The following BBX variants were observed in gnomAD, a reference collection of about 807,000 sequenced individuals.
BBX encodes BBX high mobility group box domain containing, also known as HMG box transcription factor BBX.
Under a neutral mutation model 100.2 loss-of-function variants are expected in BBX, and 30 were observed. That is an observed-to-expected ratio of 0.30 (90% confidence interval 0.22 to 0.41). BBX has a LOEUF of 0.41. Among genes scored for constraint, BBX ranks in the 10% least tolerant of loss-of-function variants. BBX has a pLI of 1.00. For missense variants in BBX, 1,023 were observed against 1,129.8 expected (o/e 0.91, Z 1.35); for synonymous variants, 376 against 388.1 (o/e 0.97, Z 0.37).
chr3:107,715,309 G>C (rs569645371), intron 4 of BBX, among the ~76,000 whole-genome samples: 1 of 152,264 alleles, frequency 6.6e-6, no homozygotes, highest in African/African-American at 2.4e-5. Flanking sequence ...CTCTGGGAAT[G>C]GGATTTAGAA....
intron 3 of BBX, among the ~76,000 whole-genome samples, chr3:107,706,195 T>A (rs541563916): frequency 5.3e-5 from 8 of 152,078 alleles, no homozygotes; most frequent in African/African-American, 1.9e-4. Context: ...AGTTAATTTT[T>A]GTATTGTTAG....
At chr3:107,734,407 T>C (rs951344087) in intron 7 of BBX, among the ~76,000 whole-genome samples, 1 of 152,224 alleles carries the variant, frequency 6.6e-6, no homozygotes, top group Non-Finnish European at 1.5e-5. Context: ...ATCATGTTTG[T>C]AGTTTCTAAC....
chr3:107,757,959 A>G (rs1411378229), intron 10 of BBX, among the ~76,000 whole-genome samples: 2 of 152,158 alleles, frequency 1.3e-5, no homozygotes. Context: ...ATTTCTAAAG[A>G]GATAGCCTAA....
At position 107,665,548 on chromosome 3, in the gene BBX, C is replaced by T. The variant is rs114114148; in HGVS notation, c.-10+19639C>T. ...CACAGCAACCTGCCAGTGATTGTCT[C>T]TCATAACCAAGCAAGTGGGGGCATA... On this transcript the variant is annotated intron_variant, in intron 3 of 17. Transcript: ENST00000325805. Among the ~76,000 whole-genome samples, 620 of 152,248 alleles carry T rather than the reference C, an allele frequency of 4.1e-3. 2 individuals are homozygous for T. The highest frequency in any genetic ancestry group is 0.014 in the Middle Eastern group (4 of 294).
At chr3:107,635,782 G>A (rs1021685855) in intron 2 of BBX, among the ~76,000 whole-genome samples, 3 of 149,616 alleles carry the variant, frequency 2.0e-5, no homozygotes, top group Non-Finnish European at 3.0e-5. Context: ...GCACCATCTC[G>A]GCTCACTGCA....
At chr3:107,575,769 CA>C (rs1290325230) in intron 2 of BBX, among the ~76,000 whole-genome samples, 1 of 152,018 alleles carries the variant, frequency 6.6e-6, no homozygotes, top group Non-Finnish European at 1.5e-5. Flanking sequence ...AGTAGTATCT[CA>C]AAAGTTTTAG....
chr3:107,573,776 G>A (rs957545325), intron 2 of BBX, among the ~76,000 whole-genome samples: 1 of 151,964 alleles, frequency 6.6e-6, no homozygotes, highest in Non-Finnish European at 1.5e-5. Flanking sequence ...GCCCAGGCTG[G>A]AGTGCAATGG....
In BBX at chr3:107,693,517, G is replaced by A. The variant is rs544015464; in HGVS notation, c.-9-16935G>A. Among the ~76,000 whole-genome samples the A allele has an allele frequency of 1.4e-3, 213 of 151,110 alleles. 1 individual carries two copies. The highest frequency in any genetic ancestry group is 2.6e-3 in the Non-Finnish European group (174 of 67,886). ...AAAGATCAGATAGTTGTAGATATGC[G>A]GCGTTATTTCTGAGGGCTCTGTTCT... On this transcript the variant is annotated intron_variant, in intron 3 of 17. Coordinates refer to ENST00000325805, the MANE Select transcript of BBX (RefSeq NM_001142568.3).
chr3:107,736,869 T>G (rs1435730826), intron 7 of BBX, among the ~76,000 whole-genome samples: 1 of 152,092 alleles, frequency 6.6e-6, no homozygotes, highest in Non-Finnish European at 1.5e-5. Flanking sequence ...GAATATAAGT[T>G]AGTCAGATTA....
chr3:107,773,753 T>G lies in BBX; in HGVS notation c.1915+117T>G. The stretch of plus-strand genomic sequence containing the variant: ...ATGGTATCAAAATAATACCTTACAT[T>G]TGTATATTTCTTTATGGTTTATAGA... On this transcript the variant is annotated intron_variant, in intron 11 of 17. Coordinates refer to ENST00000325805, the MANE Select transcript of BBX (RefSeq NM_001142568.3). This position sits in a 1 kb window ranked among gnomAD's most constrained non-coding sequence, Gnocchi z 4.1. The G allele has an allele frequency of 1.1e-6, 1 of 906,394 alleles. No individual in the cohort carries two copies. 56.1% of individuals were successfully genotyped at this position (906,394 alleles called of 1,614,324 possible). A position where few individuals can be genotyped will look rare whatever the true frequency, so the allele number is the denominator to read the frequency against.
Position 107,806,289 on chromosome 3 carries a change from A to T in BBX, c.*832A>T, listed in dbSNP as rs541551620. 6.6e-6 allele frequency: 1 copy of T among 152,310 alleles called. No homozygotes were observed. Among genetic ancestry groups the T allele is most frequent in the African/African-American group, 2.4e-5 (1 of 41,576 alleles). 9.4% of individuals were successfully genotyped at this position (152,310 alleles called of 1,614,324 possible). ...TTACTGGTGTTTTCATGCCTTGAGG[A>T]TTCTTTTATTTTTACATAGGGGTCT... On this transcript the variant is annotated 3_prime_UTR_variant, in exon 18 of 18. Transcript: ENST00000325805.
intron 3 of BBX, among the ~76,000 whole-genome samples, chr3:107,656,028 CTG>C: frequency 6.6e-6 from 1 of 152,246 alleles, no homozygotes; most frequent in Non-Finnish European, 1.5e-5. Flanking sequence ...ATATTACACA[CTG>C]ATAACTATAT....
intron 2 of BBX, among the ~76,000 whole-genome samples, chr3:107,601,362 T>C (rs1173200093): frequency 6.6e-6 from 1 of 152,164 alleles, no homozygotes; most frequent in Non-Finnish European, 1.5e-5. Context: ...GGAAGGCATG[T>C]CAAAAGGTGA....
intron 2 of BBX, chr3:107,638,670 A>G (rs2056992767): frequency 6.6e-6 from 1 of 151,478 alleles, no homozygotes; most frequent in South Asian, 2.1e-4. Context: ...CTGTAATTCC[A>G]CATTTTGGGA....
intron 3 of BBX, among the ~76,000 whole-genome samples, chr3:107,670,923 T>A (rs2058989416): frequency 6.6e-6 from 1 of 152,122 alleles, no homozygotes; most frequent in Admixed American, 6.5e-5. Context: ...TGCTAGCTTT[T>A]TATAATTTGT....
At chr3:107,786,965 C>T (rs757628252) in intron 13 of BBX, among the ~76,000 whole-genome samples, 1 of 152,200 alleles carries the variant, frequency 6.6e-6, no homozygotes, top group South Asian at 2.1e-4. Context: ...CTCATAAAAA[C>T]GGGCAAGTGA....
At position 107,798,695 on chromosome 3, in the gene BBX, G is replaced by T; in HGVS notation, c.2526G>T (p.Arg842=). The change falls in exon 16 of 18, where the codon CGG becomes CGT. Residue 842 remains arginine, a synonymous_variant. Transcript: ENST00000325805. ...ACCTTGTCAGGACAGCAGATGGCCG[G>T]GTATCACCAGCAGGAGGTACTTTGG... The part of the protein sequence containing the change: ...ITHLVRTADG[R]VSPAGGTLDD... The T allele has an allele frequency of 6.2e-7, 1 of 1,613,918 alleles. No homozygotes were observed. Among genetic ancestry groups the T allele is most frequent in the Non-Finnish European group, 8.5e-7 (1 of 1,179,976 alleles).
At chr3:107,794,145 A>G (rs1410073529) in intron 15 of BBX, among the ~76,000 whole-genome samples, 1 of 152,144 alleles carries the variant, frequency 6.6e-6, no homozygotes, top group Non-Finnish European at 1.5e-5. Context: ...TTGCAATAAT[A>G]ATGATGATGA....
chr3:107,748,575 G>C (rs2064813943), intron 9 of BBX, among the ~76,000 whole-genome samples: 2 of 152,154 alleles, frequency 1.3e-5, no homozygotes, highest in Non-Finnish European at 2.9e-5. Flanking sequence ...TGGTTTGTCA[G>C]CCGAAGAGAG....
Sources: allele counts gnomAD v4.1 joint callset (sites outside exome capture counted in the v4.1 genomes callset), GRCh38; gene constraint gnomAD v4.1.1; non-coding constraint Gnocchi (gnomAD v3.1); transcripts MANE v1.5; gene names NCBI Gene and HGNC (gene_info 2026-07-23, HGNC 2026-07-21).